CSMD1: variants seen among roughly 807,000 people sequenced by gnomAD.
CSMD1 encodes the protein CUB and Sushi multiple domains 1.
Under a neutral mutation model 417.5 loss-of-function variants are expected in CSMD1, and 213 were observed. The ratio of observed to expected loss-of-function variants is 0.51; its 90% confidence interval spans 0.46 to 0.57. The LOEUF is 0.57. Among genes scored for constraint, CSMD1 ranks in the 20% least tolerant of loss-of-function variants. The pLI is 0.00. For synonymous variants in CSMD1, 2,862 were observed against 1,736.8 expected, an observed-to-expected ratio of 1.65 and a Z score of -16.11; for missense variants, 6,923 against 4,529.7, an observed-to-expected ratio of 1.53 and a Z score of -15.17.
chr8:3,301,925 T>C (rs1804440204), intron 25 of CSMD1, among the ~76,000 whole-genome samples: 1 of 152,178 alleles, frequency 6.6e-6, no homozygotes, highest in Admixed American at 6.6e-5. Flanking sequence ...GGCTTTGTTT[T>C]CAGATTCTAT....
chr8:3,693,270 G>C (rs79150114), intron 7 of CSMD1, among the ~76,000 whole-genome samples: 1 of 152,046 alleles, frequency 6.6e-6, no homozygotes, highest in Admixed American at 6.6e-5. Context: ...AGGATGCAAG[G>C]TCACTTATCA....
At chr8:4,141,336 G>T (rs555180673) in intron 3 of CSMD1, among the ~76,000 whole-genome samples, 1 of 151,294 alleles carries the variant, frequency 6.6e-6, no homozygotes, top group East Asian at 1.9e-4. Context: ...AGCTACTACT[G>T]TTCAGAGAAG....
chr8:3,637,568 T>C (rs1403795968), intron 7 of CSMD1, among the ~76,000 whole-genome samples: 7 of 152,254 alleles, frequency 4.6e-5, no homozygotes, highest in Admixed American at 4.6e-4. Context: ...TATTTTTTAA[T>C]ACTTTAGTAA....
chr8:4,014,442 T>C (rs1461275395), intron 4 of CSMD1, among the ~76,000 whole-genome samples: 1 of 152,188 alleles, frequency 6.6e-6, no homozygotes. Flanking sequence ...ATGTTCTCTG[T>C]TCTGTGACTT....
chr8:4,260,479 C>A (rs1274623265), intron 3 of CSMD1, among the ~76,000 whole-genome samples: 1 of 151,952 alleles, frequency 6.6e-6, no homozygotes, highest in Admixed American at 6.6e-5. Context: ...CATTGTTCAC[C>A]TGAAGTAAAT....
chr8:3,249,114 C>T (rs1375244415), intron 26 of CSMD1, among the ~76,000 whole-genome samples: 1 of 152,034 alleles, frequency 6.6e-6, no homozygotes, highest in African/African-American at 2.4e-5. Flanking sequence ...AGCACTTAGC[C>T]CGAGAATTGG....
At chr8:3,740,689 C>A (rs567096322) in intron 6 of CSMD1, among the ~76,000 whole-genome samples, 192 of 152,120 alleles carry the variant, frequency 1.3e-3, no homozygotes, top group African/African-American at 4.5e-3. Flanking sequence ...GAAGAGGAGT[C>A]GAAGCAAACA....
intron 3 of CSMD1, among the ~76,000 whole-genome samples, chr8:4,392,598 T>C (rs6982295): frequency 0.049 from 7,504 of 151,832 alleles, 623 homozygotes; most frequent in African/African-American, 0.17. Flanking sequence ...GAATTTGCTA[T>C]GAATTGAATA....
At chr8:4,452,563 T>TTA (rs1799213073) in intron 2 of CSMD1, among the ~76,000 whole-genome samples, 1 of 152,228 alleles carries the variant, frequency 6.6e-6, no homozygotes. Context: ...CCAATCATTT[T>TTA]TATCAAGAAT....
Position 4,137,618 on chromosome 8 carries a change from G to T in CSMD1, c.416-105519C>A, listed in dbSNP as rs528838002. On this transcript the variant is annotated intron_variant, in intron 3 of 69. Coordinates refer to ENST00000635120, the MANE Select transcript of CSMD1 (RefSeq NM_033225.6). ...TTTGTAAGATACAAAAAAGACAACT[G>T]TTAATTGATCACATTTTTATAAGCA... 8.4e-4 allele frequency among the ~76,000 whole-genome samples: 111 copies of T among 131,490 alleles called. 14 individuals are homozygous for T. The highest frequency in any genetic ancestry group is 1.9e-3 in the African/African-American group (78 of 40,408). 86.3% of individuals were successfully genotyped at this position (131,490 alleles called of 152,430 possible).
intron 68 of CSMD1, among the ~76,000 whole-genome samples, chr8:2,945,545 T>A (rs147663157): frequency 1.9e-3 from 297 of 152,354 alleles, no homozygotes; most frequent in Middle Eastern, 0.014. Flanking sequence ...GTAGAATTAT[T>A]GAGAAACAGA....
intron 7 of CSMD1, among the ~76,000 whole-genome samples, chr8:3,670,742 T>C (rs1290065636): frequency 7.2e-6 from 1 of 139,314 alleles, no homozygotes; most frequent in Non-Finnish European, 1.6e-5. Context: ...ATGGGATGTA[T>C]GTATATGGGA....
At position 3,628,154 on chromosome 8, in the gene CSMD1, A is replaced by G. The variant is rs977631356; in HGVS notation, c.1010-11357T>C. 7.2e-5 allele frequency among the ~76,000 whole-genome samples: 11 copies of G among 152,098 alleles called. No homozygotes were observed. In the East Asian group the frequency reaches 1.2e-3, roughly 16 times the overall value. ...TGTCTTCACCTTTGTTGACGTGTAA[A>G]CCCCCCTTTGGTTACTGAATCTCTA... On this transcript the variant is annotated intron_variant, in intron 7 of 69. Coordinates refer to ENST00000635120, the MANE Select transcript of CSMD1 (RefSeq NM_033225.6).
chr8:4,966,122 G>C (rs957893558), intron 1 of CSMD1, among the ~76,000 whole-genome samples: 1 of 151,434 alleles, frequency 6.6e-6, no homozygotes, highest in Admixed American at 6.6e-5. Context: ...CCCGCACTTT[G>C]GGAGGCCGAG....
chr8:4,220,819 C>G (rs1800985551), intron 3 of CSMD1, among the ~76,000 whole-genome samples: 1 of 152,178 alleles, frequency 6.6e-6, no homozygotes, highest in South Asian at 2.1e-4. Context: ...AGGTAAGACA[C>G]CATGGGGCTG....
intron 3 of CSMD1, among the ~76,000 whole-genome samples, chr8:4,133,390 A>T (rs1198599238): frequency 6.6e-6 from 1 of 152,350 alleles, no homozygotes; most frequent in African/African-American, 2.4e-5. Context: ...TATAACATAT[A>T]TACCTTCACA....
intron 7 of CSMD1, chr8:3,700,520 C>G (rs1339645958): frequency 6.6e-6 from 1 of 152,210 alleles, no homozygotes; most frequent in Non-Finnish European, 1.5e-5. Context: ...CTGAATGCAC[C>G]TGATCTCGGA....
chr8:4,136,131 A>G (rs879433567), intron 3 of CSMD1, among the ~76,000 whole-genome samples: 2 of 152,220 alleles, frequency 1.3e-5, no homozygotes, highest in African/African-American at 4.8e-5. Flanking sequence ...GGACCTCTCA[A>G]AAAGAACTGC....
chr8:4,706,301 C>G (rs922616892), intron 1 of CSMD1, among the ~76,000 whole-genome samples: 4 of 151,824 alleles, frequency 2.6e-5, no homozygotes, highest in Non-Finnish European at 5.9e-5. Context: ...TTACATGTAC[C>G]CCATGAAATA....
Sources: gnomAD v4.1 joint callset for allele counts (sites outside exome capture counted in the v4.1 genomes callset) on GRCh38, gnomAD v4.1.1 for gene constraint, MANE v1.5 for transcripts, NCBI Gene and HGNC (gene_info 2026-07-23, HGNC 2026-07-21) for gene names.